SORBS2: variants seen among roughly 807,000 people sequenced by gnomAD.
SORBS2 encodes the protein sorbin and SH3 domain containing 2.
SORBS2 carries 46 observed loss-of-function variants against 97.7 expected under a neutral mutation model. That is an observed-to-expected ratio of 0.47 (90% confidence interval 0.37 to 0.60). SORBS2 has a LOEUF of 0.60. Ranked by LOEUF, SORBS2 falls within the 20% of genes least tolerant of loss-of-function variation. The pLI is 0.00. For missense variants in SORBS2, 1,316 were observed against 1,282.3 expected, an observed-to-expected ratio of 1.03 and a Z score of -0.40; for synonymous variants, 476 against 473.4, an observed-to-expected ratio of 1.01 and a Z score of -0.07.
exon 15 of SORBS2, chr4:185,587,549 A>C: frequency 2.4e-6 from 3 of 1,256,978 alleles, no homozygotes; most frequent in Non-Finnish European, 3.5e-6. Flanking sequence ...TGACAACGGG[A>C]GGCCCGCGGG....
At chr4:185,847,152 G>C (rs1190001666) in intron 1 of SORBS2, among the ~76,000 whole-genome samples, 1 of 152,308 alleles carries the variant, frequency 6.6e-6, no homozygotes, top group Middle Eastern at 3.4e-3. Flanking sequence ...AGTGTTGATA[G>C]AGTCTGAGAG....
At chr4:185,836,696 G>C (rs1189931054) in intron 1 of SORBS2, among the ~76,000 whole-genome samples, 1 of 152,132 alleles carries the variant, frequency 6.6e-6, no homozygotes, top group Non-Finnish European at 1.5e-5. Context: ...TGAGGCACCA[G>C]AGCTTGACAC....
intron 2 of SORBS2, among the ~76,000 whole-genome samples, chr4:185,745,215 G>A (rs1272217713): frequency 1.3e-5 from 2 of 152,150 alleles, no homozygotes; most frequent in Non-Finnish European, 2.9e-5. Flanking sequence ...GCCCGAGCAG[G>A]TGCTGTCAGT....
At chr4:185,771,154 ATT>A (rs35731107) in intron 2 of SORBS2, 1,692 of 138,748 alleles carry the variant, frequency 0.012, 19 homozygotes, top group African/African-American at 0.037. Flanking sequence ...CTAATTTTGC[ATT>A]TTTTTTTTTT....
At chr4:185,685,610 C>A (rs986663012) in intron 2 of SORBS2, among the ~76,000 whole-genome samples, 21 of 152,258 alleles carry the variant, frequency 1.4e-4, no homozygotes, top group African/African-American at 4.6e-4. Context: ...CAGCTCATTG[C>A]CATCTCAACC....
chr4:185,901,918 C>G (rs1352450295), intron 1 of SORBS2, among the ~76,000 whole-genome samples: 2 of 152,164 alleles, frequency 1.3e-5, no homozygotes, highest in East Asian at 3.8e-4. Context: ...AGCAGGCTTT[C>G]TGTTAATTTA....
At chr4:185,841,885 A>T (rs1182886304) in intron 1 of SORBS2, among the ~76,000 whole-genome samples, 1 of 152,254 alleles carries the variant, frequency 6.6e-6, no homozygotes, top group Non-Finnish European at 1.5e-5. Flanking sequence ...ACACTGTTGG[A>T]ATCAACTGAT....
At chr4:185,852,298 C>T (rs967529213) in intron 1 of SORBS2, among the ~76,000 whole-genome samples, 6 of 152,160 alleles carry the variant, frequency 3.9e-5, no homozygotes, top group South Asian at 4.1e-4. Flanking sequence ...TAAGGACTAG[C>T]GCTTTCAGCC....
chr4:185,721,084 C>CTTTTTTT (rs1160319469), intron 2 of SORBS2, among the ~76,000 whole-genome samples: 15,035 of 91,122 alleles, frequency 0.16, 1,923 homozygotes, highest in Non-Finnish European at 0.22. Context: ...CCCACCTATT[C>CTTTTTTT]TTTTTTTTTT....
chr4:185,864,911 C>CAAAAAAA lies in SORBS2; in HGVS notation c.-337-89552_-337-89546dup, dbSNP rs34469356. ...TGGGCGATAGAGTGAGACTCTGTCT[C>CAAAAAAA]AAAAAAAAAAGAAAAAGAAAAGCAT... On this transcript the variant is annotated intron_variant, in intron 1 of 20. Transcript: ENST00000284776. 2.9e-3 allele frequency among the ~76,000 whole-genome samples: 408 copies of CAAAAAAA among 140,806 alleles called. 2 individuals carry two copies. The highest frequency in any genetic ancestry group is 9.1e-3 in the African/African-American group (342 of 37,516). 92.4% of individuals were successfully genotyped at this position (140,806 alleles called of 152,430 possible).
chr4:185,652,069 C>A (rs1278849991), intron 2 of SORBS2, among the ~76,000 whole-genome samples: 1 of 152,032 alleles, frequency 6.6e-6, no homozygotes, highest in Non-Finnish European at 1.5e-5. Flanking sequence ...AACCCCTGGG[C>A]TCAAATCATT....
At chr4:185,898,240 T>C (rs2099245987) in intron 1 of SORBS2, among the ~76,000 whole-genome samples, 1 of 152,222 alleles carries the variant, frequency 6.6e-6, no homozygotes, top group African/African-American at 2.4e-5. Context: ...AAGAAACTCA[T>C]TCACATATTA....
intron 2 of SORBS2, chr4:185,772,110 C>T (rs1406552968): frequency 8.5e-5 from 13 of 152,212 alleles, no homozygotes; most frequent in East Asian, 1.9e-4. Flanking sequence ...TTTTTGTTTT[C>T]GATGTGACAG....
rs2097411759 is a variant in SORBS2, at chr4:185,656,720, C to T, written c.-82G>A. On this transcript the variant is annotated 5_prime_UTR_variant, in exon 1 of 15. Transcript: ENST00000418609. ...GTCAGCCAGCTGCTGCCTGCCCAGG[C>T]TCTCAGAAGCTGCCTCTGCTACTGC... 5.8e-6 allele frequency: 9 copies of T among 1,545,636 alleles called. No homozygotes were observed. The South Asian group carries it at 1.1e-4, about 19-fold the overall frequency.
chr4:185,823,643 T>C (rs2099198118), intron 1 of SORBS2, among the ~76,000 whole-genome samples: 1 of 151,964 alleles, frequency 6.6e-6, no homozygotes, highest in African/African-American at 2.4e-5. Context: ...TTGATGAATA[T>C]TAAAAAAAAT....
At chr4:185,940,307 C>CACTTGCAGGATCCCAAAT (rs2099271259) in intron 1 of SORBS2, among the ~76,000 whole-genome samples, 1 of 152,188 alleles carries the variant, frequency 6.6e-6, no homozygotes, top group African/African-American at 2.4e-5. Flanking sequence ...AAATGGCACA[C>CACTTGCAGGATCCCAAAT]GGCCTAGACA....
At chr4:185,625,182 T>C (rs924660504) in intron 6 of SORBS2, among the ~76,000 whole-genome samples, 1 of 152,218 alleles carries the variant, frequency 6.6e-6, no homozygotes, top group Non-Finnish European at 1.5e-5. Context: ...AACCTTTTAT[T>C]AGGTACAAAA....
chr4:185,889,601 A>G (rs2099241459), intron 1 of SORBS2, among the ~76,000 whole-genome samples: 1 of 151,862 alleles, frequency 6.6e-6, no homozygotes, highest in African/African-American at 2.4e-5. Context: ...CCGATCTCCA[A>G]TTTATCTTTT....
intron 5 of SORBS2, 75 bp downstream of exon 8, chr4:185,662,029 C>A: frequency 6.5e-7 from 1 of 1,539,930 alleles, no homozygotes; most frequent in Non-Finnish European, 8.9e-7. Flanking sequence ...CACCTTGATG[C>A]CGCATATCTT....
Sources: gnomAD v4.1 joint callset for allele counts (sites outside exome capture counted in the v4.1 genomes callset) on GRCh38, gnomAD v4.1.1 for gene constraint, MANE v1.5 for transcripts, NCBI Gene and HGNC (gene_info 2026-07-23, HGNC 2026-07-21) for gene names.